The following CLIC5 variants were observed in gnomAD, a reference collection of about 807,000 sequenced individuals.
The protein encoded by CLIC5 is CLIC family member 5.
In CLIC5, 20 loss-of-function variants were observed where a neutral mutation model predicts 24.7. The observed-to-expected ratio is 0.81, with a 90% CI of 0.57 to 1.18. CLIC5 has a LOEUF of 1.18. Among genes scored for constraint, CLIC5 ranks in the 50% most tolerant of loss-of-function variants. The probability of loss-of-function intolerance (pLI) is 0.00; values close to 1 mark genes in which losing one functional copy is unlikely to be tolerated. For synonymous variants in CLIC5, 159 were observed against 135.6 expected, an observed-to-expected ratio of 1.17 and a Z score of -1.20; for missense variants, 341 against 326.1, an observed-to-expected ratio of 1.05 and a Z score of -0.35.
At chr6:46,127,181 G>A in the CLIC5 span, among the ~76,000 whole-genome samples, 1 of 152,004 alleles carries the variant, frequency 6.6e-6, no homozygotes, top group East Asian at 1.9e-4. Flanking sequence ...ATCCAGTCAG[G>A]GTATTTAGGG....
At position 46,040,071 on chromosome 6, in the gene CLIC5, T is replaced by C. The variant is rs1228136955; in HGVS notation, c.540+39632A>G. Among the ~76,000 whole-genome samples the C allele has an allele frequency of 4.6e-5, 7 of 152,186 alleles. No individual in the cohort carries two copies. The East Asian group carries it at 1.3e-3, about 29-fold the overall frequency. On this transcript the variant is annotated intron_variant, in intron 1 of 5. Transcript: ENST00000185206. Reference sequence around the variant, plus strand: ...AATCAGTAGCATACAGCTATTATACTTAAAGGATTAGTGTGAGGATAAAAT... The same window carrying C: ...AATCAGTAGCATACAGCTATTATACCTAAAGGATTAGTGTGAGGATAAAAT...
chr6:45,975,698 C>G (rs377571843), intron 1 of CLIC5, among the ~76,000 whole-genome samples: 1 of 152,146 alleles, frequency 6.6e-6, no homozygotes, highest in South Asian at 2.1e-4. Flanking sequence ...AAGAACAAGA[C>G]AATATGTTAC....
chr6:45,992,010 A>G lies in CLIC5; in HGVS notation c.63+23470T>C, dbSNP rs1002693074. Among the ~76,000 whole-genome samples the G allele has an allele frequency of 8.5e-5, 13 of 152,340 alleles. No homozygotes were observed. The East Asian group carries it at 2.3e-3, about 27-fold the overall frequency. On this transcript the variant is annotated intron_variant, in intron 1 of 5. Coordinates refer to ENST00000339561, the MANE Select transcript of CLIC5 (RefSeq NM_016929.5). ...CTTATGATCATAGCAAAAATAATTA[A>G]CAAGAGGAAAGATGGGCATCAGAAT...
chr6:46,043,170 A>T (rs1280857210), intron 1 of CLIC5, among the ~76,000 whole-genome samples: 1 of 152,206 alleles, frequency 6.6e-6, no homozygotes, highest in East Asian at 1.9e-4. Flanking sequence ...TGATGAGACT[A>T]TTAACGGTGC....
At chr6:46,084,060 G>A (rs1419399246), upstream of CLIC5, among the ~76,000 whole-genome samples, 1 of 152,070 alleles carries the variant, frequency 6.6e-6, no homozygotes, top group Non-Finnish European at 1.5e-5. Context: ...GATCTTTGTT[G>A]GTTTAAAGTC....
chr6:46,096,117 A>G, the CLIC5 span, among the ~76,000 whole-genome samples: 1 of 152,214 alleles, frequency 6.6e-6, no homozygotes, highest in Non-Finnish European at 1.5e-5. Context: ...TGGCAGGAAC[A>G]AGACCAAGAG....
At chr6:45,883,281 G>C (rs555279251) in intron 6 of CLIC5, among the ~76,000 whole-genome samples, 1 of 152,264 alleles carries the variant, frequency 6.6e-6, no homozygotes, top group Non-Finnish European at 1.5e-5. Context: ...GAGGTGAAGG[G>C]CTTGTTTAAA....
rs3777581 is a variant in CLIC5 at position 45,944,693 on chromosome 6, C to G, written c.300-3040G>C. On this transcript the variant is annotated intron_variant, in intron 3 of 5. Coordinates refer to ENST00000339561, the MANE Select transcript of CLIC5 (RefSeq NM_016929.5). ...TGACTAGCCACAGCCAACCAAGACA[C>G]TGAACAAAAGGATACCCACCATGCA... 2.0e-3 allele frequency among the ~76,000 whole-genome samples: 311 copies of G among 152,202 alleles called. 5 individuals are homozygous for G. In the East Asian group the frequency reaches 0.048, roughly 24 times the overall value.
intron 1 of CLIC5, among the ~76,000 whole-genome samples, chr6:46,068,158 G>A (rs1033442856): frequency 4.6e-5 from 7 of 152,152 alleles, no homozygotes; most frequent in African/African-American, 1.7e-4. Context: ...GAAGCCAACA[G>A]AAGCTAAAAA....
chr6:45,905,347 G>A (rs1249141163), intron 5 of CLIC5, among the ~76,000 whole-genome samples: 1 of 152,096 alleles, frequency 6.6e-6, no homozygotes, highest in Admixed American at 6.5e-5. Flanking sequence ...CTGTATAAGT[G>A]TTCCCTTTTC....
At chr6:45,908,848 C>G (rs1034909933) in intron 5 of CLIC5, among the ~76,000 whole-genome samples, 1 of 152,126 alleles carries the variant, frequency 6.6e-6, no homozygotes, top group Non-Finnish European at 1.5e-5. Context: ...CCTCGAAGAT[C>G]TGTCTAACGT....
the CLIC5 span, among the ~76,000 whole-genome samples, chr6:46,095,145 TGG>T: frequency 1.3e-5 from 2 of 151,442 alleles, no homozygotes; most frequent in Non-Finnish European, 2.9e-5. Flanking sequence ...CACAGGGCAG[TGG>T]GGCCCTGGGC....
chr6:46,116,044 G>C, the CLIC5 span, among the ~76,000 whole-genome samples: 1 of 152,186 alleles, frequency 6.6e-6, no homozygotes, highest in Non-Finnish European at 1.5e-5. Context: ...ACATGTGAGA[G>C]TGGGGCCCTG....
chr6:45,943,810 T>C (rs375723075), intron 3 of CLIC5, among the ~76,000 whole-genome samples: 1 of 152,172 alleles, frequency 6.6e-6, no homozygotes, highest in East Asian at 1.9e-4. Context: ...TGTCATCCTG[T>C]TTCCCAAGCA....
chr6:45,989,885 G>A (rs1339026096), intron 1 of CLIC5, among the ~76,000 whole-genome samples: 1 of 152,128 alleles, frequency 6.6e-6, no homozygotes, highest in Admixed American at 6.5e-5. Flanking sequence ...GTGTTTCTGT[G>A]TATCTATGAT....
At chr6:46,024,858 A>C (rs1411711200) in intron 1 of CLIC5, among the ~76,000 whole-genome samples, 1 of 152,206 alleles carries the variant, frequency 6.6e-6, no homozygotes, top group African/African-American at 2.4e-5. Context: ...GAGGTGAATA[A>C]AAAGTATTAA....
At chr6:45,918,849 C>A (rs1194850107) in intron 4 of CLIC5, 2 of 633,156 alleles carry the variant, frequency 3.2e-6, no homozygotes, top group Non-Finnish European at 2.0e-6. Context: ...TATGCAACTA[C>A]CATTTAAACA....
At chr6:46,058,635 G>A (rs1473093212) in intron 1 of CLIC5, among the ~76,000 whole-genome samples, 1 of 152,200 alleles carries the variant, frequency 6.6e-6, no homozygotes, top group Non-Finnish European at 1.5e-5. Context: ...GGTGGCTGGG[G>A]ACCAGAGAAG....
chr6:46,099,380 T>C, the CLIC5 span, among the ~76,000 whole-genome samples: 1 of 152,206 alleles, frequency 6.6e-6, no homozygotes. Flanking sequence ...AGCAGGACTT[T>C]CTGAAAGGGA....
Sources: gnomAD v4.1 joint callset for allele counts (sites outside exome capture counted in the v4.1 genomes callset) on GRCh38, gnomAD v4.1.1 for gene constraint, MANE v1.5 for transcripts, NCBI Gene and HGNC (gene_info 2026-07-23, HGNC 2026-07-21) for gene names.